Variants in MS4A13 observed in about 807,000 individuals in gnomAD.
MS4A13 encodes the protein membrane-spanning 4-domains subfamily A member 13.
A neutral mutation model predicts 18.4 loss-of-function variants in MS4A13; 21 were observed. That is an observed-to-expected ratio of 1.14 (90% confidence interval 0.81 to 1.64). The LOEUF (loss-of-function observed/expected upper bound fraction) is 1.64, where lower values mean the gene tolerates loss of function less well. Ranked by LOEUF, MS4A13 falls within the 40% of genes most tolerant of loss-of-function variation. The pLI, the probability that MS4A13 is intolerant of heterozygous loss-of-function variation, is 0.00. For missense variants in MS4A13, 173 were observed against 176.8 expected, an observed-to-expected ratio of 0.98 and a Z score of 0.12; for synonymous variants, 62 against 57.2, an observed-to-expected ratio of 1.08 and a Z score of -0.38.
chr11:60,538,287 G>A (rs867260191), intron 6 of MS4A13, among the ~76,000 whole-genome samples: 1 of 151,812 alleles, frequency 6.6e-6, no homozygotes, highest in Non-Finnish European at 1.5e-5. Context: ...AGGCAAAAAG[G>A]TGTTGATCAA....
intron 5 of MS4A13, among the ~76,000 whole-genome samples, chr11:60,526,053 C>T (rs111469187): frequency 6.6e-6 from 1 of 152,172 alleles, no homozygotes; most frequent in African/African-American, 2.4e-5. Context: ...AGCGTCATTA[C>T]AGGTGAAGGA....
intron 6 of MS4A13, among the ~76,000 whole-genome samples, chr11:60,540,468 G>A (rs1357189590): frequency 6.6e-6 from 1 of 152,086 alleles, no homozygotes; most frequent in African/African-American, 2.4e-5. Flanking sequence ...CAAAGAAAAG[G>A]AAAGGGAATG....
chr11:60,533,452 C>A (rs1399020353), intron 6 of MS4A13, among the ~76,000 whole-genome samples: 1 of 100,918 alleles, frequency 9.9e-6, no homozygotes, highest in African/African-American at 3.9e-5. Flanking sequence ...TGAAATGAAG[C>A]GAGAAGGGAA....
At chr11:60,522,239 G>GATAGATGTGTATATATATATATCTATAT (rs55942628) in intron 3 of MS4A13, among the ~76,000 whole-genome samples, 1 of 133,890 alleles carries the variant, frequency 7.5e-6, no homozygotes, top group African/African-American at 2.8e-5. Flanking sequence ...TAGATAGATA[G>GATAGATGTGTATATATATATATCTATAT]ATGTATATAT....
Position 60,518,193 on chromosome 11 carries a change from G to A in MS4A13, c.110G>A (p.Cys37Tyr), listed in dbSNP as rs983513424. ...GAACCTGTAACTTACAAAACAGGATGTACTTTATGGGGAATTTTTGTGAGT... is the reference window on the plus strand; with the variant it reads ...GAACCTGTAACTTACAAAACAGGATATACTTTATGGGGAATTTTTGTGAGT... ...TYEPVTYKTG[C>Y]TLWGIFFIIA... The change falls in exon 3 of 7, where the codon TGT becomes TAT. Residue 37 changes from cysteine to tyrosine, a missense_variant. By Grantham distance (194) the Cys-to-Tyr change is radical (BLOSUM62 -2). Coordinates refer to ENST00000378186, the MANE Select transcript of MS4A13 (RefSeq NM_001012417.3). 1 of 1,609,916 alleles carries A rather than the reference G, an allele frequency of 6.2e-7. No homozygotes were observed. Among genetic ancestry groups the A allele is most frequent in the Non-Finnish European group, 8.5e-7 (1 of 1,177,738 alleles).
intron 5 of MS4A13, among the ~76,000 whole-genome samples, chr11:60,528,469 T>A (rs1366992604): frequency 6.6e-6 from 1 of 152,220 alleles, no homozygotes; most frequent in Non-Finnish European, 1.5e-5. Context: ...CCTTATATTA[T>A]CTTTCTGTCT....
chr11:60,531,730 T>A (rs1008446884), intron 6 of MS4A13, among the ~76,000 whole-genome samples: 7 of 152,224 alleles, frequency 4.6e-5, no homozygotes, highest in African/African-American at 1.4e-4. Context: ...GGCTTTCACT[T>A]GGCTGTCTTC....
In MS4A13 at chr11:60,525,316, A is replaced by G. The variant is rs766489558; in HGVS notation, c.296A>G (p.Tyr99Cys). 251 of 1,584,878 alleles carry G rather than the reference A, an allele frequency of 1.6e-4. No individual in the cohort carries two copies. The highest frequency in any genetic ancestry group is 2.1e-4 in the Non-Finnish European group (249 of 1,160,696). Residue 99 changes from tyrosine (Y) to cysteine (C), a missense_variant, in exon 5 of 7, where the codon TAT becomes TGT. Physicochemically the swap from Tyr to Cys is radical, Grantham distance 194. Coordinates refer to ENST00000378186, the MANE Select transcript of MS4A13 (RefSeq NM_001012417.3). ...TTTAATTCTGTGTCATACAGGAATTATGGACAAGCAGTAAGTGACCAATTC... is the reference window on the plus strand; with the variant it reads ...TTTAATTCTGTGTCATACAGGAATTGTGGACAAGCAGTAAGTGACCAATTC... ...SHFNSVSYRN[Y>C]GQAKLGREVS... is the part of the protein sequence containing the mutation.
At chr11:60,525,161 A>G (rs958652213) in intron 4 of MS4A13, 46 bp from the exon 5 acceptor site, 4 of 1,438,464 alleles carry the variant, frequency 2.8e-6, no homozygotes, top group African/African-American at 1.4e-5. Flanking sequence ...TTACACCAAA[A>G]TGTTTATTCT....
At chr11:60,529,967 C>T (rs2086752621) in intron 6 of MS4A13, among the ~76,000 whole-genome samples, 1 of 152,154 alleles carries the variant, frequency 6.6e-6, no homozygotes. Flanking sequence ...ATGCAGTGAA[C>T]ATTTGAGTAT....
At chr11:60,531,135 C>T (rs1237850447) in intron 6 of MS4A13, among the ~76,000 whole-genome samples, 3 of 152,160 alleles carry the variant, frequency 2.0e-5, no homozygotes, top group Non-Finnish European at 4.4e-5. Context: ...GCCCAGCAGC[C>T]TCATTGCTTG....
intron 6 of MS4A13, among the ~76,000 whole-genome samples, chr11:60,536,890 A>G: frequency 8.7e-6 from 1 of 114,732 alleles, no homozygotes; most frequent in Admixed American, 1.0e-4. Flanking sequence ...CAACTATCTG[A>G]TCTTTGACAA....
chr11:60,517,284 TA>T (rs2086644120), intron 2 of MS4A13, among the ~76,000 whole-genome samples: 1 of 152,204 alleles, frequency 6.6e-6, no homozygotes, highest in South Asian at 2.1e-4. Flanking sequence ...CTGGAACTCT[TA>T]AAACATTAAA....
intron 6 of MS4A13, among the ~76,000 whole-genome samples, chr11:60,538,712 C>A (rs934368438): frequency 6.7e-6 from 1 of 148,764 alleles, no homozygotes; most frequent in Non-Finnish European, 1.5e-5. Context: ...ATGACTTTCA[C>A]TTCCTGGGGT....
chr11:60,531,934 A>T (rs1435396715), intron 6 of MS4A13, among the ~76,000 whole-genome samples: 1 of 152,184 alleles, frequency 6.6e-6, no homozygotes, highest in African/African-American at 2.4e-5. Flanking sequence ...CAAGATACTA[A>T]CCACTGGTAT....
At chr11:60,527,529 C>T (rs2086727982) in intron 5 of MS4A13, among the ~76,000 whole-genome samples, 1 of 151,646 alleles carries the variant, frequency 6.6e-6, no homozygotes, top group Non-Finnish European at 1.5e-5. Flanking sequence ...TAGAATAGCA[C>T]TCTCATATAA....
Position 60,515,558 on chromosome 11 carries a change from G to C in MS4A13, c.-178G>C, listed in dbSNP as rs1321608608. 1 of 152,192 alleles carries C rather than the reference G, an allele frequency of 6.6e-6. No individual in the cohort carries two copies. Among genetic ancestry groups the C allele is most frequent in the African/African-American group, 2.4e-5 (1 of 41,424 alleles). The allele number at this position is 152,192 out of a possible 1,614,324, so 9.4% of individuals were successfully genotyped here. A position where few individuals can be genotyped will look rare whatever the true frequency, so the allele number is the denominator to read the frequency against. ...GCGTGAGAACTCGGACTGGGTCCTG[G>C]ACGAGCGCCCCCCGAAACTCCTTGG... On this transcript the variant is annotated 5_prime_UTR_variant, in exon 1 of 7. Coordinates refer to ENST00000378186, the MANE Select transcript of MS4A13 (RefSeq NM_001012417.3).
At chr11:60,540,311 G>T (rs1057078371) in intron 6 of MS4A13, among the ~76,000 whole-genome samples, 8 of 152,154 alleles carry the variant, frequency 5.3e-5, no homozygotes, top group African/African-American at 1.9e-4. Context: ...TTTGGTCCAT[G>T]TATCATAGCT....
intron 2 of MS4A13, among the ~76,000 whole-genome samples, chr11:60,516,513 T>C (rs1186274483): frequency 6.6e-6 from 1 of 152,248 alleles, no homozygotes; most frequent in Non-Finnish European, 1.5e-5. Flanking sequence ...ACTTTTCTTC[T>C]GAATTTGAAT....
Sources: allele counts gnomAD v4.1 joint callset (sites outside exome capture counted in the v4.1 genomes callset), GRCh38; gene constraint gnomAD v4.1.1; transcripts MANE v1.5; gene names NCBI Gene and HGNC (gene_info 2026-07-23, HGNC 2026-07-21).